Variants in KSR2 observed in about 807,000 individuals in gnomAD.
KSR2 encodes kinase suppressor of ras 2.
KSR2 carries 25 observed loss-of-function variants against 107.8 expected under a neutral mutation model. The ratio of observed to expected loss-of-function variants is 0.23; its 90% CI spans 0.17 to 0.32. The LOEUF (loss-of-function observed/expected upper bound fraction) is 0.32. Ranked by LOEUF, KSR2 falls within the 10% of genes least tolerant of loss-of-function variation. KSR2 has a pLI of 1.00. For synonymous variants in KSR2, 480 were observed against 507.0 expected (o/e 0.95, Z 0.71); for missense variants, 887 against 1,268.9 (o/e 0.70, Z 4.57).
intron 9 of KSR2, among the ~76,000 whole-genome samples, chr12:117,551,018 A>T (rs1228163374): frequency 6.6e-6 from 1 of 152,192 alleles, no homozygotes; most frequent in Non-Finnish European, 1.5e-5. Flanking sequence ...CTTGCAACCA[A>T]CCAACAAAAG....
chr12:117,789,590 A>T (rs1890188678), intron 3 of KSR2, among the ~76,000 whole-genome samples: 1 of 152,194 alleles, frequency 6.6e-6, no homozygotes, highest in Non-Finnish European at 1.5e-5. Context: ...AACCCAGATC[A>T]TTTAAGCCCA....
chr12:117,939,290 T>A (rs940568638), intron 1 of KSR2, among the ~76,000 whole-genome samples: 2 of 152,222 alleles, frequency 1.3e-5, no homozygotes, highest in Admixed American at 1.3e-4. Context: ...CAATAATGGT[T>A]TGGGAATTGC....
intron 5 of KSR2, among the ~76,000 whole-genome samples, chr12:117,640,576 A>G (rs1369926742): frequency 1.3e-5 from 2 of 152,136 alleles, no homozygotes; most frequent in African/African-American, 4.8e-5. Flanking sequence ...TTAACTGGGA[A>G]AATAGTTTCA....
intron 3 of KSR2, among the ~76,000 whole-genome samples, chr12:117,801,590 C>A (rs1477532230): frequency 1.3e-5 from 2 of 152,056 alleles, no homozygotes; most frequent in Non-Finnish European, 2.9e-5. Context: ...CTTCACATGG[C>A]CAGAGTGGGG....
chr12:117,695,817 A>G (rs1886032731), intron 4 of KSR2, among the ~76,000 whole-genome samples: 7 of 152,136 alleles, frequency 4.6e-5, no homozygotes, highest in Admixed American at 4.6e-4. Context: ...GGGGAAAAAG[A>G]GTCCTGTGGG....
In KSR2 at chr12:117,539,803, G is replaced by C; in HGVS notation, c.1603C>G (p.Pro535Ala). The C allele has an allele frequency of 1.2e-6, 2 of 1,608,448 alleles. No homozygotes were observed. Among genetic ancestry groups the C allele is most frequent in the Non-Finnish European group, 1.7e-6 (2 of 1,178,026 alleles). Residue 535 changes from proline (P) to alanine (A), a missense_variant, in exon 10 of 20, where the codon CCC (proline) becomes GCC (alanine). Pro to Ala is a conservative substitution (Grantham distance 27). Coordinates refer to ENST00000339824, the MANE Select transcript of KSR2 (RefSeq NM_173598.6). The part of the protein sequence containing the change: ...TSSTPSSPAP[P>A]LPPSATPPSP... Reference sequence around the variant, plus strand: ...GGCGGCGTGGCACTAGGAGGGAGGGGGGGTGCTGGCGAGGAGGGCGTGGAG... The same window carrying C: ...GGCGGCGTGGCACTAGGAGGGAGGGCGGGTGCTGGCGAGGAGGGCGTGGAG...
At chr12:117,729,243 C>G (rs1887565746) in intron 4 of KSR2, among the ~76,000 whole-genome samples, 1 of 151,882 alleles carries the variant, frequency 6.6e-6, no homozygotes, top group African/African-American at 2.4e-5. Flanking sequence ...GTGGAATTCC[C>G]AGCTGACCCA....
At chr12:117,715,908 C>T (rs898068378) in intron 4 of KSR2, among the ~76,000 whole-genome samples, 1 of 152,240 alleles carries the variant, frequency 6.6e-6, no homozygotes, top group South Asian at 2.1e-4. Flanking sequence ...GTTCCTAGAA[C>T]ATGCAAATGC....
intron 3 of KSR2, among the ~76,000 whole-genome samples, chr12:117,766,646 G>C (rs1350063659): frequency 1.3e-5 from 2 of 152,162 alleles, no homozygotes; most frequent in African/African-American, 4.8e-5. Flanking sequence ...GCACAGAAGA[G>C]TGGAACCCCA....
At chr12:117,910,636 T>C (rs1714688039) in intron 1 of KSR2, among the ~76,000 whole-genome samples, 1 of 152,204 alleles carries the variant, frequency 6.6e-6, no homozygotes. Flanking sequence ...TAGAGACAAC[T>C]AGAGAAATGC....
intron 9 of KSR2, among the ~76,000 whole-genome samples, chr12:117,546,919 T>C (rs1334058364): frequency 2.0e-5 from 3 of 152,246 alleles, no homozygotes; most frequent in African/African-American, 7.2e-5. Flanking sequence ...TAATTGCTTA[T>C]TGAAGTATTT....
At chr12:117,564,594 A>C (rs144500323) in intron 7 of KSR2, among the ~76,000 whole-genome samples, 1 of 152,382 alleles carries the variant, frequency 6.6e-6, no homozygotes, top group Non-Finnish European at 1.5e-5. Context: ...TACGAGGAAC[A>C]TCTCATTCCC....
chr12:117,507,934 C>T (rs1411943641), intron 14 of KSR2, among the ~76,000 whole-genome samples: 4 of 152,104 alleles, frequency 2.6e-5, no homozygotes, highest in Non-Finnish European at 5.9e-5. Context: ...CAAGCCTATC[C>T]TTTTCCCCTC....
At chr12:117,951,129 C>T (rs1896353559) in intron 1 of KSR2, among the ~76,000 whole-genome samples, 1 of 152,114 alleles carries the variant, frequency 6.6e-6, no homozygotes, top group South Asian at 2.1e-4. Context: ...AGGATGGTCT[C>T]GATCTCCTGA....
chr12:117,490,950 C>T (rs1872713086), intron 14 of KSR2, among the ~76,000 whole-genome samples: 1 of 151,946 alleles, frequency 6.6e-6, no homozygotes. Context: ...AAATCTACTC[C>T]CTCAGCAATT....
At chr12:117,766,478 T>C (rs555079665) in intron 3 of KSR2, among the ~76,000 whole-genome samples, 3 of 152,304 alleles carry the variant, frequency 2.0e-5, no homozygotes, top group South Asian at 2.1e-4. Context: ...GAGGTGGTGG[T>C]TGCACAATCT....
chr12:117,661,328 A>C (rs1040337097), intron 5 of KSR2, among the ~76,000 whole-genome samples: 8 of 152,346 alleles, frequency 5.3e-5, no homozygotes, highest in Admixed American at 3.3e-4. Context: ...GAATCTGGTG[A>C]GATGAAAGTA....
At chr12:117,873,070 G>A (rs925623668) in intron 1 of KSR2, among the ~76,000 whole-genome samples, 1 of 152,090 alleles carries the variant, frequency 6.6e-6, no homozygotes, top group Non-Finnish European at 1.5e-5. Flanking sequence ...CCATGTGCCC[G>A]CCAGGTACAG....
chr12:117,536,406 C>G (rs1292233839), intron 10 of KSR2, among the ~76,000 whole-genome samples: 1 of 152,140 alleles, frequency 6.6e-6, no homozygotes, highest in Non-Finnish European at 1.5e-5. Context: ...CCAAAAGGTT[C>G]TGTTTTGTTT....
Sources: gnomAD v4.1 joint callset for allele counts (sites outside exome capture counted in the v4.1 genomes callset) on GRCh38, gnomAD v4.1.1 for gene constraint, MANE v1.5 for transcripts, NCBI Gene and HGNC (gene_info 2026-07-23, HGNC 2026-07-21) for gene names.